The following TEAD1 variants were observed in gnomAD, a reference collection of about 807,000 sequenced individuals.
TEAD1 encodes TEA domain transcription factor 1.
In TEAD1, 9 loss-of-function variants were observed where a neutral mutation model predicts 54.9. The observed-to-expected ratio is 0.16, with a 90% CI of 0.10 to 0.29. TEAD1 has a LOEUF of 0.29. TEAD1 is among the 10% of genes least tolerant of loss of function. The pLI is 1.00. For synonymous variants in TEAD1, 200 were observed against 187.8 expected (o/e 1.07, Z -0.53); for missense variants, 387 against 535.9 (o/e 0.72, Z 2.74).
intron 2 of TEAD1, among the ~76,000 whole-genome samples, chr11:12,740,509 G>T (rs912887607): frequency 1.3e-5 from 2 of 152,092 alleles, no homozygotes; most frequent in Non-Finnish European, 2.9e-5. Context: ...CCTGAACGTG[G>T]GTAATTTATA....
At chr11:12,782,357 G>C (rs190522330) in intron 3 of TEAD1, among the ~76,000 whole-genome samples, 287 of 152,266 alleles carry the variant, frequency 1.9e-3, no homozygotes, top group African/African-American at 6.5e-3. Context: ...ATTCATGAAA[G>C]ACCACATATT....
intron 5 of TEAD1, among the ~76,000 whole-genome samples, chr11:12,877,520 A>G (rs1433977155): frequency 6.6e-6 from 1 of 152,100 alleles, no homozygotes; most frequent in Non-Finnish European, 1.5e-5. Context: ...TTAGCCGGGC[A>G]TGGTGGCATA....
intron 3 of TEAD1, among the ~76,000 whole-genome samples, chr11:12,834,829 C>T (rs541439074): frequency 6.6e-6 from 1 of 151,390 alleles, no homozygotes; most frequent in South Asian, 2.1e-4. Context: ...GTTGCCCAGG[C>T]TGGTCTCAAA....
At chr11:12,716,105 C>T (rs545547642) in intron 2 of TEAD1, among the ~76,000 whole-genome samples, 1 of 151,948 alleles carries the variant, frequency 6.6e-6, no homozygotes, top group Non-Finnish European at 1.5e-5. Flanking sequence ...GATGGGCTTC[C>T]TGTCCTGCGC....
chr11:12,907,705 T>C (rs1186862535), intron 10 of TEAD1, among the ~76,000 whole-genome samples: 1 of 152,206 alleles, frequency 6.6e-6, no homozygotes, highest in Non-Finnish European at 1.5e-5. Context: ...CTTGATATTA[T>C]TTAATCCTTG....
intron 3 of TEAD1, chr11:12,850,998 C>G (rs1290203221): frequency 3.4e-6 from 3 of 886,016 alleles, no homozygotes; most frequent in East Asian, 2.4e-4. Flanking sequence ...AAAGGATTTA[C>G]AGATTTCAGG....
chr11:12,809,581 C>T (rs1946249792), intron 3 of TEAD1, among the ~76,000 whole-genome samples: 1 of 151,808 alleles, frequency 6.6e-6, no homozygotes, highest in Non-Finnish European at 1.5e-5. Flanking sequence ...AACTCTCCAC[C>T]CTTGAGACTC....
At chr11:12,924,104 C>G (rs1028000111) in intron 10 of TEAD1, among the ~76,000 whole-genome samples, 15 of 152,138 alleles carry the variant, frequency 9.9e-5, no homozygotes, top group Admixed American at 5.9e-4. Flanking sequence ...GTTGCATTTC[C>G]AAACTCCCAG....
At chr11:12,719,129 G>T (rs1393979770) in intron 2 of TEAD1, among the ~76,000 whole-genome samples, 1 of 151,980 alleles carries the variant, frequency 6.6e-6, no homozygotes, top group East Asian at 1.9e-4. Flanking sequence ...CAGGACTCAA[G>T]TCCTGGCTTG....
chr11:12,773,049 G>C (rs966994122), intron 3 of TEAD1, among the ~76,000 whole-genome samples: 4 of 152,104 alleles, frequency 2.6e-5, no homozygotes, highest in African/African-American at 9.7e-5. Flanking sequence ...TTTGGGATTG[G>C]CTTTTTTTCA....
rs145713764 is a variant in TEAD1, at chr11:12,761,844, C to T, written c.-54-2335C>T. ...AGCATTTCAACATGTCAGTATGAAG[C>T]GGGGTAGTACTGAGAAGGTAATGAG... On this transcript the variant is annotated intron_variant, in intron 2 of 12. Transcript: ENST00000527636. 1.9e-3 allele frequency among the ~76,000 whole-genome samples: 295 copies of T among 152,158 alleles called. 2 individuals carry two copies. The highest frequency in any genetic ancestry group is 6.6e-3 in the African/African-American group (273 of 41,512).
chr11:12,806,572 A>C (rs772016320), intron 3 of TEAD1, among the ~76,000 whole-genome samples: 15 of 152,224 alleles, frequency 9.9e-5, no homozygotes, highest in Non-Finnish European at 1.8e-4. Flanking sequence ...AAGACCCTCT[A>C]AAGTCTAGGG....
chr11:12,741,158 T>C (rs920785351), intron 2 of TEAD1, among the ~76,000 whole-genome samples: 1 of 152,210 alleles, frequency 6.6e-6, no homozygotes, highest in African/African-American at 2.4e-5. Context: ...AAAATTCATA[T>C]TCTATGAGAA....
At chr11:12,891,703 G>A (rs1473655254) in intron 9 of TEAD1, among the ~76,000 whole-genome samples, 1 of 152,210 alleles carries the variant, frequency 6.6e-6, no homozygotes, top group African/African-American at 2.4e-5. Context: ...TCTGGGACCT[G>A]GCTAATAGAT....
chr11:12,833,916 C>A (rs1203756493), intron 3 of TEAD1, among the ~76,000 whole-genome samples: 1 of 152,136 alleles, frequency 6.6e-6, no homozygotes, highest in Non-Finnish European at 1.5e-5. Flanking sequence ...TGCTTATTTC[C>A]CCAACTAGAC....
intron 2 of TEAD1, among the ~76,000 whole-genome samples, chr11:12,732,850 T>G (rs1172261382): frequency 2.0e-5 from 3 of 152,188 alleles, no homozygotes; most frequent in African/African-American, 7.2e-5. Context: ...CTTATCTGCT[T>G]CTTTTCTGCG....
intron 10 of TEAD1, among the ~76,000 whole-genome samples, chr11:12,904,501 A>G (rs1370353692): frequency 1.3e-5 from 2 of 152,092 alleles, no homozygotes; most frequent in Non-Finnish European, 2.9e-5. Flanking sequence ...ATGGTTTCAG[A>G]CTCCATATTC....
intron 3 of TEAD1, among the ~76,000 whole-genome samples, chr11:12,811,083 G>T (rs1471471776): frequency 6.6e-6 from 1 of 152,222 alleles, no homozygotes; most frequent in Non-Finnish European, 1.5e-5. Flanking sequence ...AGTAGACCGT[G>T]ATTGATATAA....
chr11:12,736,346 G>C (rs1590099161), intron 2 of TEAD1, among the ~76,000 whole-genome samples: 1 of 152,140 alleles, frequency 6.6e-6, no homozygotes, highest in Non-Finnish European at 1.5e-5. Flanking sequence ...CTTCAGGAAA[G>C]ATAGGTTTGT....
Sources: gnomAD v4.1 joint callset for allele counts (sites outside exome capture counted in the v4.1 genomes callset) on GRCh38, gnomAD v4.1.1 for gene constraint, MANE v1.5 for transcripts, NCBI Gene and HGNC (gene_info 2026-07-23, HGNC 2026-07-21) for gene names.